The following ARIH1 variants were observed in gnomAD, a reference collection of about 807,000 sequenced individuals.
ARIH1 encodes the protein E3 ubiquitin-protein ligase ARIH1.
A neutral mutation model predicts 85.0 loss-of-function variants in ARIH1; 8 were observed. The observed-to-expected ratio is 0.09, with a 90% CI of 0.06 to 0.17. ARIH1 has a LOEUF of 0.17. Among genes scored for constraint, ARIH1 ranks in the 10% least tolerant of loss-of-function variants. The pLI, the probability that ARIH1 is intolerant of heterozygous loss-of-function variation, is 1.00. For synonymous variants in ARIH1, 238 were observed against 253.6 expected (o/e 0.94, Z 0.59); for missense variants, 311 against 718.1 (o/e 0.43, Z 6.48).
chr15:72,576,282 G>T (rs1306094825), intron 11 of ARIH1, among the ~76,000 whole-genome samples: 1 of 152,108 alleles, frequency 6.6e-6, no homozygotes, highest in South Asian at 2.1e-4. Context: ...GAGGCGGGCG[G>T]ATCACAAGGT....
chr15:72,563,050 T>G (rs1045529107), intron 6 of ARIH1, among the ~76,000 whole-genome samples: 2 of 152,170 alleles, frequency 1.3e-5, no homozygotes, highest in African/African-American at 2.4e-5. Context: ...ATGACCTAAT[T>G]TAATTTGCTG....
In ARIH1 at chr15:72,582,967, C is replaced by A. The variant is rs1019590468; in HGVS notation, c.1590-241C>A. 6.6e-6 allele frequency among the ~76,000 whole-genome samples: 1 copy of A among 152,250 alleles called. No homozygotes were observed. The highest frequency in any genetic ancestry group is 3.4e-3 in the Middle Eastern group (1 of 294). Reference sequence around the variant, plus strand: ...CTAAGGTCCATCAGAACTTGTAACACTTTATTGCTTTAAAATTAATTCCCA... The same window carrying A: ...CTAAGGTCCATCAGAACTTGTAACAATTTATTGCTTTAAAATTAATTCCCA... On this transcript the variant is annotated intron_variant, in intron 13 of 13. Coordinates refer to ENST00000379887, the MANE Select transcript of ARIH1 (RefSeq NM_005744.5). The surrounding 1 kb of genome is among the most constrained non-coding windows in gnomAD (Gnocchi z 4.6).
At chr15:72,475,548 G>C (rs915814888) in intron 1 of ARIH1, among the ~76,000 whole-genome samples, 2 of 152,188 alleles carry the variant, frequency 1.3e-5, no homozygotes, top group African/African-American at 4.8e-5. Context: ...TTAAAGGTGG[G>C]GGAAGGGAAG....
intron 1 of ARIH1, among the ~76,000 whole-genome samples, chr15:72,495,097 A>G (rs953261681): frequency 1.3e-5 from 2 of 152,186 alleles, no homozygotes; most frequent in Non-Finnish European, 2.9e-5. Flanking sequence ...TTGTCGGCCT[A>G]AGTGGCAAAA....
chr15:72,481,227 T>C (rs2063815371), intron 1 of ARIH1, among the ~76,000 whole-genome samples: 1 of 152,224 alleles, frequency 6.6e-6, no homozygotes, highest in African/African-American at 2.4e-5. Flanking sequence ...AGTAGTCCTA[T>C]GAATCAAACT....
intron 2 of ARIH1, 90 bp from the exon 3 acceptor site, chr15:72,544,730 T>A: frequency 8.6e-7 from 1 of 1,162,700 alleles, no homozygotes; most frequent in Non-Finnish European, 1.2e-6. Context: ...ATTCAACTTC[T>A]TGCTTTTCCC....
chr15:72,498,731 C>G (rs150551416), intron 1 of ARIH1, among the ~76,000 whole-genome samples: 1,780 of 151,694 alleles, frequency 0.012, 32 homozygotes, highest in African/African-American at 0.04. Context: ...TCCCAGCTAC[C>G]TGGGAGGCTG....
rs2064367773 is a variant in ARIH1 at position 72,597,529 on chromosome 15, A to G, written c.*14237A>G. 1 of 151,632 alleles carries G rather than the reference A, an allele frequency of 6.6e-6. No individual in the cohort carries two copies. The highest frequency in any genetic ancestry group is 2.1e-4 in the South Asian group (1 of 4,806). The allele number at this position is 151,632 out of a possible 1,614,324, so 9.4% of individuals were successfully genotyped here. A position where few individuals can be genotyped will look rare whatever the true frequency, so the allele number is the denominator to read the frequency against. On this transcript the variant is annotated 3_prime_UTR_variant, in exon 14 of 14. Coordinates refer to ENST00000379887, the MANE Select transcript of ARIH1 (RefSeq NM_005744.5). ...GAGGAATGCCCACAATGCCTAGGGGATGGGTTTCTCAGCATTTCTGACCCC... is the reference window on the plus strand; with the variant it reads ...GAGGAATGCCCACAATGCCTAGGGGGTGGGTTTCTCAGCATTTCTGACCCC...
chr15:72,511,882 T>C (rs1429662894), intron 1 of ARIH1, among the ~76,000 whole-genome samples: 2 of 152,154 alleles, frequency 1.3e-5, no homozygotes, highest in African/African-American at 2.4e-5. Flanking sequence ...GAGATTTTTA[T>C]AGTAGTGGAT....
intron 1 of ARIH1, among the ~76,000 whole-genome samples, chr15:72,496,054 G>A (rs2063878847): frequency 1.3e-5 from 2 of 151,950 alleles, no homozygotes; most frequent in Non-Finnish European, 2.9e-5. Flanking sequence ...GGGACTACAG[G>A]CACACACCAC....
At position 72,590,430 on chromosome 15, in the gene ARIH1, C is replaced by T. The variant is rs1437394783; in HGVS notation, c.*7138C>T. The stretch of plus-strand genomic sequence containing the variant: ...CGTTGGTGACCTCAGATACACTGTT[C>T]AGAAGTACTCAAAGTATTCCTTTTT... On this transcript the variant is annotated 3_prime_UTR_variant, in exon 14 of 14. Transcript: ENST00000379887. 4.6e-5 allele frequency: 7 copies of T among 152,188 alleles called. No individual in the cohort carries two copies. Among genetic ancestry groups the T allele is most frequent in the Non-Finnish European group, 7.3e-5 (5 of 68,038 alleles). The allele number at this position is 152,188 out of a possible 1,614,324, so 9.4% of individuals were successfully genotyped here.
At chr15:72,488,567 C>G (rs1567337486) in intron 1 of ARIH1, among the ~76,000 whole-genome samples, 1 of 152,196 alleles carries the variant, frequency 6.6e-6, no homozygotes, top group Non-Finnish European at 1.5e-5. Flanking sequence ...ATCCAAGCCT[C>G]TAGCTATATA....
intron 1 of ARIH1, among the ~76,000 whole-genome samples, chr15:72,476,020 C>T (rs933115045): frequency 1.3e-5 from 2 of 152,068 alleles, no homozygotes; most frequent in African/African-American, 4.8e-5. Context: ...TGATTCAGTG[C>T]AATTTTTAGA....
In ARIH1 at chr15:72,599,223, A is replaced by G. The variant is rs575890140; in HGVS notation, c.*15931A>G. Reference sequence around the variant, plus strand: ...TTTTTAGTAGAGACAGGGTTTCACCATGTTGGCCAGGTTGGTCTCCAACTC... The same window carrying G: ...TTTTTAGTAGAGACAGGGTTTCACCGTGTTGGCCAGGTTGGTCTCCAACTC... On this transcript the variant is annotated 3_prime_UTR_variant, in exon 14 of 14. Coordinates refer to ENST00000379887, the MANE Select transcript of ARIH1 (RefSeq NM_005744.5). The G allele has an allele frequency of 4.5e-3, 678 of 152,026 alleles. 2 individuals are homozygous for G. The highest frequency in any genetic ancestry group is 7.9e-3 in the Non-Finnish European group (536 of 68,030). The allele number at this position is 152,026 out of a possible 1,614,324, so 9.4% of individuals were successfully genotyped here.
intron 10 of ARIH1, among the ~76,000 whole-genome samples, chr15:72,571,882 T>C (rs1224756176): frequency 1.3e-5 from 2 of 152,176 alleles, no homozygotes; most frequent in Non-Finnish European, 2.9e-5. Flanking sequence ...TAATTTATTA[T>C]AGAGAGAATT....
chr15:72,556,326 C>G (rs1234914235), intron 5 of ARIH1, among the ~76,000 whole-genome samples: 5 of 152,210 alleles, frequency 3.3e-5, no homozygotes, highest in South Asian at 4.1e-4. Context: ...TAGGAAGAGA[C>G]TTTATATGAT....
At chr15:72,536,536 T>C (rs980395012) in intron 2 of ARIH1, among the ~76,000 whole-genome samples, 1 of 152,206 alleles carries the variant, frequency 6.6e-6, no homozygotes, top group Non-Finnish European at 1.5e-5. Context: ...ATGGGGGGGA[T>C]GTAAGAGGTC....
rs752054033 is a variant in ARIH1 at position 72,589,200 on chromosome 15, C to T, written c.*5908C>T. On this transcript the variant is annotated 3_prime_UTR_variant, in exon 14 of 14. Coordinates refer to ENST00000379887, the MANE Select transcript of ARIH1 (RefSeq NM_005744.5). ...CCCTATTTTTATGAGGAAAGACACT[C>T]ATATACTACTAACTTACTCAAAAGT... 1.3e-5 allele frequency: 2 copies of T among 152,130 alleles called. No individual in the cohort carries two copies. Among genetic ancestry groups the T allele is most frequent in the Non-Finnish European group, 2.9e-5 (2 of 68,024 alleles). The allele number at this position is 152,130 out of a possible 1,614,324, so 9.4% of individuals were successfully genotyped here.
At chr15:72,543,501 A>G (rs915197811) in intron 2 of ARIH1, among the ~76,000 whole-genome samples, 23 of 152,256 alleles carry the variant, frequency 1.5e-4, no homozygotes, top group Non-Finnish European at 1.9e-4. Flanking sequence ...TGGCATTTCG[A>G]TTGATAATAT....
Sources: gnomAD v4.1 joint callset for allele counts (sites outside exome capture counted in the v4.1 genomes callset) on GRCh38, gnomAD v4.1.1 for gene constraint, Gnocchi (gnomAD v3.1) non-coding constraint, MANE v1.5 for transcripts, NCBI Gene and HGNC (gene_info 2026-07-23, HGNC 2026-07-21) for gene names.